RBM19: variants seen among roughly 807,000 people sequenced by gnomAD.
The protein encoded by RBM19 is probable RNA-binding protein 19.
Under a neutral mutation model 116.8 loss-of-function variants are expected in RBM19, and 94 were observed. That is an observed-to-expected ratio of 0.80 (90% confidence interval 0.68 to 0.95). The LOEUF (loss-of-function observed/expected upper bound fraction) is 0.95. Ranked by LOEUF, RBM19 falls within the 40% of genes least tolerant of loss-of-function variation. RBM19 has a pLI of 0.00. For missense variants in RBM19, 1,161 were observed against 1,220.7 expected (o/e 0.95, Z 0.73); for synonymous variants, 475 against 494.1 (o/e 0.96, Z 0.51).
At chr12:113,872,671 C>T (rs367785650) in intron 21 of RBM19, among the ~76,000 whole-genome samples, 18 of 11,696 alleles carry the variant, frequency 1.5e-3, no homozygotes, top group South Asian at 8.6e-3. Context: ...CCCCTCTGCC[C>T]GGCCAGCCGC....
At chr12:113,833,943 GC>G (rs1374749163) in intron 23 of RBM19, among the ~76,000 whole-genome samples, 3 of 151,874 alleles carry the variant, frequency 2.0e-5, no homozygotes, top group Non-Finnish European at 4.4e-5. Context: ...ACGGGGTCTC[GC>G]TATGTGGCTC....
chr12:113,945,958 C>A (rs373324549), intron 12 of RBM19, 34 bp from the exon 13 acceptor site: 2 of 1,509,536 alleles, frequency 1.3e-6, no homozygotes, highest in South Asian at 1.1e-5. Flanking sequence ...GAGATCAGAC[C>A]GCAGCTGGAT....
At chr12:113,941,794 T>C (rs1035533614) in intron 14 of RBM19, among the ~76,000 whole-genome samples, 1 of 152,214 alleles carries the variant, frequency 6.6e-6, no homozygotes, top group Non-Finnish European at 1.5e-5. Flanking sequence ...CCCTGAGTTT[T>C]AGTCCAGGCT....
chr12:113,865,912 C>T (rs1878769553), intron 21 of RBM19, among the ~76,000 whole-genome samples: 1 of 152,072 alleles, frequency 6.6e-6, no homozygotes. Flanking sequence ...TCATGTGCTG[C>T]TTGGTGGGAA....
chr12:113,827,341 C>G (rs1874957922), intron 23 of RBM19, among the ~76,000 whole-genome samples: 1 of 152,096 alleles, frequency 6.6e-6, no homozygotes, highest in African/African-American at 2.4e-5. Context: ...CCCCCCTCCC[C>G]ACCAACCTCC....
At position 113,898,602 on chromosome 12, in the gene RBM19, G is replaced by C. The variant is rs1292593882; in HGVS notation, c.2558+16367C>G. Among the ~76,000 whole-genome samples the C allele has an allele frequency of 3.9e-5, 6 of 152,148 alleles. No individual in the cohort carries two copies. The highest frequency in any genetic ancestry group is 1.4e-4 in the African/African-American group (6 of 41,426). ...CCAATAAGCACCGCTGCATGAAAAC[G>C]GGTGTTTGATGACCGGCAAGACTCA... On this transcript the variant is annotated intron_variant, in intron 21 of 23. Coordinates refer to ENST00000261741, the MANE Select transcript of RBM19 (RefSeq NM_016196.4). This position sits in a 1 kb window ranked among gnomAD's most constrained non-coding sequence, Gnocchi z 4.3.
rs528164510 is a variant in RBM19 at position 113,946,452 on chromosome 12, T to C, written c.1431A>G (p.Pro477=). The change falls in exon 12 of 24, where the codon CCA becomes CCG. Residue 477 remains proline, a synonymous_variant. Transcript: ENST00000261741. ...CGCTGGCTTCCTTCTTGATGGTAGA[T>C]GGTAACACGTGGAGCATCCTGCCCT... The part of the protein sequence containing the change: ...VFQGRMLHVL[P]STIKKEASED... The C allele has an allele frequency of 1.9e-6, 3 of 1,614,090 alleles. No individual in the cohort carries two copies. Among genetic ancestry groups the C allele is most frequent in the African/African-American group, 2.7e-5 (2 of 75,012 alleles).
At chr12:113,819,595 T>C (rs1336062743), downstream of RBM19, among the ~76,000 whole-genome samples, 1 of 152,188 alleles carries the variant, frequency 6.6e-6, no homozygotes, top group Non-Finnish European at 1.5e-5. Context: ...GGTGTCTGTG[T>C]CTACCAACGT....
chr12:113,870,608 A>G (rs1450159597), intron 21 of RBM19, among the ~76,000 whole-genome samples: 2 of 152,174 alleles, frequency 1.3e-5, no homozygotes, highest in African/African-American at 4.8e-5. Flanking sequence ...CAGAGCAACA[A>G]GATCTTACAA....
chr12:113,951,280 G>C lies in RBM19; in HGVS notation c.1001-1126C>G, dbSNP rs78000912. 4.2e-3 allele frequency among the ~76,000 whole-genome samples: 632 copies of C among 152,168 alleles called. 2 individuals are homozygous for C. The highest frequency in any genetic ancestry group is 6.8e-3 in the Middle Eastern group (2 of 294). On this transcript the variant is annotated intron_variant, in intron 8 of 23. Coordinates refer to ENST00000261741, the MANE Select transcript of RBM19 (RefSeq NM_016196.4). ...TTCAACATTTCATGCTTGGATGCCG[G>C]CTCTCTCCAACTCTGGGGCCTCCAA... is the stretch of plus-strand genomic sequence containing the variant.
chr12:113,858,979 T>A, intron 21 of RBM19, 83 bp from the exon 22 acceptor site: 2 of 1,247,752 alleles, frequency 1.6e-6, no homozygotes, highest in Non-Finnish European at 2.3e-6. Context: ...TTCTCACATG[T>A]AAATCCCTTT....
intron 21 of RBM19, among the ~76,000 whole-genome samples, chr12:113,893,347 C>T (rs1288166403): frequency 6.6e-6 from 1 of 152,086 alleles, no homozygotes; most frequent in Non-Finnish European, 1.5e-5. Context: ...ACATGCTGTT[C>T]TTGAACTTCT....
At position 113,858,780 on chromosome 12, in the gene RBM19, C is replaced by T. The variant is rs375598653; in HGVS notation, c.2664+11G>A. On this transcript the variant is annotated intron_variant, in intron 22 of 23. Coordinates refer to ENST00000261741, the MANE Select transcript of RBM19 (RefSeq NM_016196.4). ...GGCCTGGACAGGTGGGGAAGGGATT[C>T]ACGGTCTCACCTTCGCATCCTGCTT... The T allele has an allele frequency of 3.1e-6, 5 of 1,613,172 alleles. No individual in the cohort carries two copies. Among genetic ancestry groups the T allele is most frequent in the African/African-American group, 2.7e-5 (2 of 75,022 alleles).
At chr12:113,963,846 C>G (rs1006050924) in intron 1 of RBM19, among the ~76,000 whole-genome samples, 3 of 152,218 alleles carry the variant, frequency 2.0e-5, no homozygotes, top group Non-Finnish European at 2.9e-5. Flanking sequence ...TTTCTCACAG[C>G]CTTCTCACTT....
At chr12:113,940,756 G>A (rs975682831) in intron 14 of RBM19, among the ~76,000 whole-genome samples, 3 of 152,180 alleles carry the variant, frequency 2.0e-5, no homozygotes, top group African/African-American at 4.8e-5. Context: ...TTTCTGCACT[G>A]CCCCCAAAAC....
intron 23 of RBM19, among the ~76,000 whole-genome samples, chr12:113,823,969 G>A (rs554412554): frequency 6.6e-6 from 1 of 152,374 alleles, no homozygotes; most frequent in South Asian, 2.1e-4. Flanking sequence ...GGCGTGGAGG[G>A]AATGACAATT....
chr12:113,820,560 C>A (rs1479268447), downstream of RBM19, among the ~76,000 whole-genome samples: 1 of 152,130 alleles, frequency 6.6e-6, no homozygotes, highest in Non-Finnish European at 1.5e-5. Context: ...GGGTTTGAAG[C>A]TGCAGACTGA....
chr12:113,966,089 C>T (rs1454842313), intron 1 of RBM19, 103 bp downstream of exon 1: 2 of 1,446,760 alleles, frequency 1.4e-6, no homozygotes, highest in African/African-American at 2.8e-5. Context: ...CGGAGTCCTG[C>T]CCCAGAGCAA....
intron 22 of RBM19, among the ~76,000 whole-genome samples, chr12:113,851,971 A>G (rs1396120114): frequency 1.3e-5 from 2 of 151,972 alleles, no homozygotes; most frequent in African/African-American, 4.8e-5. Context: ...GAATCGCTTG[A>G]ACCGAGGAGG....
Sources: allele counts gnomAD v4.1 joint callset (sites outside exome capture counted in the v4.1 genomes callset), GRCh38; gene constraint gnomAD v4.1.1; non-coding constraint Gnocchi (gnomAD v3.1); transcripts MANE v1.5; gene names NCBI Gene and HGNC (gene_info 2026-07-23, HGNC 2026-07-21).